SLC15A3: variants seen among roughly 807,000 people sequenced by gnomAD.
The protein encoded by SLC15A3 is osteoclast transporter.
Under a neutral mutation model 49.2 loss-of-function variants are expected in SLC15A3, and 39 were observed. The ratio of observed to expected loss-of-function variants is 0.79; its 90% CI spans 0.61 to 1.04. SLC15A3 has a LOEUF of 1.04. Among genes scored for constraint, SLC15A3 ranks in the 50% least tolerant of loss-of-function variants. The pLI, the probability that SLC15A3 is intolerant of heterozygous loss-of-function variation, is 0.00. For synonymous variants in SLC15A3, 339 were observed against 367.0 expected, an observed-to-expected ratio of 0.92 and a Z score of 0.87; for missense variants, 758 against 794.8, an observed-to-expected ratio of 0.95 and a Z score of 0.56.
intron 7 of SLC15A3, 76 bp from the exon 8 acceptor site, chr11:60,937,449 C>G: frequency 6.3e-7 from 1 of 1,588,536 alleles, no homozygotes; most frequent in Non-Finnish European, 8.6e-7. Context: ...CGTGTCCTAG[C>G]CCTGGGGCTG....
At chr11:60,941,772 G>A (rs940819106) in intron 4 of SLC15A3, 53 of 457,336 alleles carry the variant, frequency 1.2e-4, no homozygotes, top group Middle Eastern at 6.2e-4. Context: ...TGATCTGAGG[G>A]TGCAAATTAG....
At chr11:60,947,468 C>T (rs184492108) in intron 1 of SLC15A3, among the ~76,000 whole-genome samples, 10 of 152,306 alleles carry the variant, frequency 6.6e-5, no homozygotes, top group Admixed American at 1.3e-4. Flanking sequence ...CGTGAGCCAT[C>T]GCGCCCGGCC....
chr11:60,951,260 G>C lies in SLC15A3; in HGVS notation c.292C>G (p.Leu98Val). Residue 98 changes from leucine (L) to valine (V), a missense_variant, in exon 1 of 8, where the codon CTG (leucine) becomes GTG (valine). Physicochemically the swap from Leu to Val is conservative, Grantham distance 32. Coordinates refer to ENST00000227880, the MANE Select transcript of SLC15A3 (RefSeq NM_016582.3). ...PVGGWLADVYLGRYRAVALSL... is the reference protein window; with the variant it reads ...PVGGWLADVYVGRYRAVALSL... ...AGCGCGACCGCGCGGTAGCGGCCCA[G>C]GTACACGTCGGCCAGCCAGCCGCCC... 6.6e-7 allele frequency: 1 copy of C among 1,514,638 alleles called. No individual in the cohort carries two copies. The highest frequency in any genetic ancestry group is 8.8e-7 in the Non-Finnish European group (1 of 1,134,160). The allele number at this position is 1,514,638 out of a possible 1,614,324, so 93.8% of individuals were successfully genotyped here. A position where few individuals can be genotyped will look rare whatever the true frequency, so the allele number is the denominator to read the frequency against.
At position 60,937,898 on chromosome 11, in the gene SLC15A3, C is replaced by A. The variant is rs1856645270; in HGVS notation, c.1563G>T (p.Gly521=). Residue 521 remains glycine (G), a synonymous_variant, in exon 7 of 8, where the codon GGG becomes GGT. Coordinates refer to ENST00000227880, the MANE Select transcript of SLC15A3 (RefSeq NM_016582.3). The part of the protein sequence containing the change: ...SSLVALLSLP[G]GWLHCPKDFG... ...AGTCCTTGGGGCAGTGCAGCCAGCC[C>A]CCGGGCAAGGACAGCAGTGCCACTA... The A allele has an allele frequency of 6.2e-7, 1 of 1,614,020 alleles. No homozygotes were observed. Among genetic ancestry groups the A allele is most frequent in the African/African-American group, 1.3e-5 (1 of 74,948 alleles).
Position 60,947,186 on chromosome 11 carries a change from ATT to A in SLC15A3, c.559-367_559-366del, listed in dbSNP as rs11307430. On this transcript the variant is annotated intron_variant, in intron 1 of 7. Transcript: ENST00000227880. Reference sequence around the variant, plus strand: ...CACTGAGCAACCTACACTATTCATTATTTTTTTTTTTTTGAGACAGTCTTGCT... The same window carrying A: ...CACTGAGCAACCTACACTATTCATTATTTTTTTTTTTGAGACAGTCTTGCT... 2.2e-3 allele frequency among the ~76,000 whole-genome samples: 316 copies of A among 145,392 alleles called. 2 individuals are homozygous for A. Among genetic ancestry groups the A allele is most frequent in the Middle Eastern group, 0.014 (4 of 288 alleles).
chr11:60,939,683 C>A, intron 5 of SLC15A3, 45 bp from the exon 6 acceptor site: 1 of 1,601,318 alleles, frequency 6.2e-7, no homozygotes, highest in Non-Finnish European at 8.5e-7. Context: ...CCACCCCAGG[C>A]AGCTTAGCCC....
chr11:60,940,977 A>G, intron 5 of SLC15A3, 145 bp downstream of exon 5: 2 of 811,156 alleles, frequency 2.5e-6, no homozygotes, highest in Non-Finnish European at 3.7e-6. Flanking sequence ...GGTCTCTTTC[A>G]GCTTGCACCT....
At position 60,951,474 on chromosome 11, in the gene SLC15A3, GC is replaced by G; in HGVS notation, c.77del (p.Gly26AlafsTer162). The part of the protein sequence containing the change: ...RQPLLPRGAR[G>X]PRRWRRAAGA... Reference sequence around the variant, plus strand: ...CCGCCGCCCGCCGCCACCGTCGAGGGCCCCGCGCACCGCGAGGCAGCAGCGG... The same window carrying G: ...CCGCCGCCCGCCGCCACCGTCGAGGGCCCGCGCACCGCGAGGCAGCAGCGG... On this transcript the variant is annotated frameshift_variant, in exon 1 of 8. Transcript: ENST00000227880. LOFTEE classifies it high-confidence loss of function. 1 of 1,341,940 alleles carries G rather than the reference GC, an allele frequency of 7.5e-7. No individual in the cohort carries two copies. The highest frequency in any genetic ancestry group is 9.6e-7 in the Non-Finnish European group (1 of 1,043,418). The allele number at this position is 1,341,940 out of a possible 1,614,324, so 83.1% of individuals were successfully genotyped here.
chr11:60,937,530 C>T, intron 7 of SLC15A3, 157 bp from the exon 8 acceptor site: 3 of 946,926 alleles, frequency 3.2e-6, no homozygotes, highest in South Asian at 2.8e-5. Flanking sequence ...GTTTGACTTC[C>T]TGAAGATCTC....
At chr11:60,949,335 AAAAGAAAGGAAG>A (rs774336841) in intron 1 of SLC15A3, among the ~76,000 whole-genome samples, 48 of 150,748 alleles carry the variant, frequency 3.2e-4, no homozygotes, top group Admixed American at 5.9e-4. Flanking sequence ...AGACTCCGTC[AAAAGAAAGGAAG>A]AAAGAAAGGA....
At chr11:60,942,200 A>C (rs899654335) in intron 3 of SLC15A3, 55 bp from the exon 4 acceptor site, 1 of 1,467,046 alleles carries the variant, frequency 6.8e-7, no homozygotes, top group Admixed American at 1.7e-5. Flanking sequence ...CCCCCTCCCA[A>C]CTCCTAGGTG....
In SLC15A3 at chr11:60,943,847, C is replaced by G. The variant is rs776822900; in HGVS notation, c.849-11G>C. On this transcript the variant is annotated splice_polypyrimidine_tract_variant and intron_variant, in intron 2 of 7. Coordinates refer to ENST00000227880, the MANE Select transcript of SLC15A3 (RefSeq NM_016582.3). ...GCACATTGACGGTCTCTGTGAGACCCCAGAGGCAGCAGATAAAACAACAGT... is the reference window on the plus strand; with the variant it reads ...GCACATTGACGGTCTCTGTGAGACCGCAGAGGCAGCAGATAAAACAACAGT... The G allele has an allele frequency of 6.5e-7, 1 of 1,528,358 alleles. No homozygotes were observed. The highest frequency in any genetic ancestry group is 8.8e-7 in the Non-Finnish European group (1 of 1,131,194). The allele number at this position is 1,528,358 out of a possible 1,614,324, so 94.7% of individuals were successfully genotyped here.
At position 60,943,777 on chromosome 11, in the gene SLC15A3, G is replaced by C. The variant is rs77943698; in HGVS notation, c.908C>G (p.Pro303Arg). Residue 303 changes from proline to arginine, a missense_variant, in exon 3 of 8, where the codon CCG becomes CGG. Around this residue, in one of 3 missense-constraint regions of SLC15A3, gnomAD observed 699 missense variants for 706.7 expected, o/e 0.99. Transcript: ENST00000227880. Reference sequence around the variant, plus strand: ...CTGGAAGTTGGCGATGTCCTCTTGCGGGGAAGCCCCTGGCTGGGGAGACCT... The same window carrying C: ...CTGGAAGTTGGCGATGTCCTCTTGCCGGGAAGCCCCTGGCTGGGGAGACCT... ...DERSPQPGAS[P>R]QEDIANFQVL... 1.5e-3 allele frequency: 2,453 copies of C among 1,604,012 alleles called. 23 individuals are homozygous for C. The African/African-American group carries it at 0.026, about 17-fold the overall frequency.
chr11:60,945,319 T>C (rs1856785178), intron 2 of SLC15A3, among the ~76,000 whole-genome samples: 1 of 152,170 alleles, frequency 6.6e-6, no homozygotes, highest in African/African-American at 2.4e-5. Flanking sequence ...CTGCCAGCCA[T>C]GTAAGTGAGC....
Position 60,939,268 on chromosome 11 carries a change from C to A in SLC15A3, c.1435+212G>T, listed in dbSNP as rs542458691. On this transcript the variant is annotated intron_variant, in intron 6 of 7. Coordinates refer to ENST00000227880, the MANE Select transcript of SLC15A3 (RefSeq NM_016582.3). ...GCTGGTGTGGGAAGTTTCTTGCTCG[C>A]CTCCAAATCCCCAGTGCCTGTCACA... 2.0e-5 allele frequency among the ~76,000 whole-genome samples: 3 copies of A among 152,298 alleles called. 1 individual carries two copies. The South Asian group carries it at 6.2e-4, about 32-fold the overall frequency.
intron 1 of SLC15A3, among the ~76,000 whole-genome samples, chr11:60,949,525 AAAG>A (rs1856868542): frequency 1.3e-5 from 1 of 75,648 alleles, no homozygotes; most frequent in Non-Finnish European, 3.6e-5. Flanking sequence ...AGAAAGAAAG[AAAG>A]AAAGAAAGAA....
In SLC15A3 at chr11:60,942,360, G is replaced by A. The variant is rs1054939192; in HGVS notation, c.997-215C>T. ...CTCTGCTCTCAGGCCTGTAGGCAGT[G>A]CGTGCAGCCTTATCCCAGAGCCCAG... On this transcript the variant is annotated intron_variant, in intron 3 of 7. Coordinates refer to ENST00000227880, the MANE Select transcript of SLC15A3 (RefSeq NM_016582.3). 8 of 517,392 alleles carry A rather than the reference G, an allele frequency of 1.5e-5. No homozygotes were observed. The Admixed American group carries it at 1.9e-4, about 12-fold the overall frequency. 32.1% of individuals were successfully genotyped at this position (517,392 alleles called of 1,614,324 possible). A position where few individuals can be genotyped will look rare whatever the true frequency, so the allele number is the denominator to read the frequency against.
In SLC15A3 at chr11:60,951,169, C is replaced by T; in HGVS notation, c.383G>A (p.Ser128Asn). ...CGCGGGCATCTCTCCGCAGAAGGAG[C>T]TGCGGCCGTCGGGGAAGGCGGTGGC... ...LPATAFPDGR[S>N]SFCGEMPASP... The change falls in exon 1 of 8, where the codon AGC becomes AAC. Residue 128 changes from serine to asparagine, a missense_variant. Transcript: ENST00000227880. The T allele has an allele frequency of 6.7e-7, 1 of 1,494,628 alleles. No individual in the cohort carries two copies. 92.6% of individuals were successfully genotyped at this position (1,494,628 alleles called of 1,614,324 possible).
intron 6 of SLC15A3, 53 bp downstream of exon 6, chr11:60,939,427 C>T (rs1856677948): frequency 5.0e-6 from 8 of 1,597,462 alleles, no homozygotes; most frequent in Non-Finnish European, 6.8e-6. Context: ...TTTGAGGTGC[C>T]ACCGGGCAGA....
Sources: allele counts gnomAD v4.1 joint callset (sites outside exome capture counted in the v4.1 genomes callset), GRCh38; gene constraint gnomAD v4.1.1; regional missense constraint gnomAD v4.1.1; transcripts MANE v1.5; gene names NCBI Gene and HGNC (gene_info 2026-07-23, HGNC 2026-07-21).